Variants in FANCL observed in about 807,000 individuals in gnomAD.
FANCL encodes E3 ubiquitin-protein ligase FANCL.
Under a neutral mutation model 59.4 loss-of-function variants are expected in FANCL, and 69 were observed. That is an observed-to-expected ratio of 1.16 (90% CI 0.96 to 1.42). The LOEUF (loss-of-function observed/expected upper bound fraction) is 1.42, where lower values mean the gene tolerates loss of function less well. Ranked by LOEUF, FANCL falls within the 40% of genes most tolerant of loss-of-function variation. FANCL has a pLI of 0.00. For synonymous variants in FANCL, 180 were observed against 147.1 expected (o/e 1.22, Z -1.62); for missense variants, 519 against 447.2 (o/e 1.16, Z -1.45).
intron 7 of FANCL, among the ~76,000 whole-genome samples, chr2:58,194,630 T>C (rs1172202092): frequency 2.0e-5 from 3 of 152,044 alleles, no homozygotes; most frequent in Non-Finnish European, 4.4e-5. Context: ...GATTTCTTAC[T>C]ACTCTAAATG....
At chr2:58,190,756 A>G (rs1688849027) in intron 7 of FANCL, among the ~76,000 whole-genome samples, 1 of 151,984 alleles carries the variant, frequency 6.6e-6, no homozygotes, top group Admixed American at 6.6e-5. Flanking sequence ...TAACAGTGAC[A>G]TCATTTAATT....
intron 5 of FANCL, among the ~76,000 whole-genome samples, chr2:58,221,106 G>C (rs62140049): frequency 1.4e-4 from 21 of 151,992 alleles, no homozygotes; most frequent in African/African-American, 4.8e-4. Flanking sequence ...CCAGCTACTC[G>C]GGAGGCTGAG....
intron 7 of FANCL, among the ~76,000 whole-genome samples, chr2:58,172,876 C>G (rs978787563): frequency 6.6e-6 from 1 of 152,078 alleles, no homozygotes; most frequent in African/African-American, 2.4e-5. Context: ...GGCGAAGAAG[C>G]TGAAAACTTT....
At chr2:58,229,969 T>A (rs1279528445) in intron 2 of FANCL, 95 bp from the exon 3 acceptor site, 1 of 860,802 alleles carries the variant, frequency 1.2e-6, no homozygotes, top group African/African-American at 1.7e-5. Context: ...TACAAAAGAA[T>A]GACAAACATA....
At chr2:58,218,374 TAAA>T (rs751738439) in intron 5 of FANCL, among the ~76,000 whole-genome samples, 118 of 151,968 alleles carry the variant, frequency 7.8e-4, no homozygotes, top group Non-Finnish European at 1.5e-3. Flanking sequence ...TGAAAAAACT[TAAA>T]TAATTGATAT....
At chr2:58,205,165 A>AT (rs143739412) in intron 5 of FANCL, among the ~76,000 whole-genome samples, 8,985 of 152,058 alleles carry the variant, frequency 0.059, 423 homozygotes, top group African/African-American at 0.12. Context: ...TAGGAAATAT[A>AT]TTTTTTAATA....
chr2:58,236,543 T>G (rs1224094718), intron 1 of FANCL, among the ~76,000 whole-genome samples: 1 of 148,918 alleles, frequency 6.7e-6, no homozygotes, highest in Non-Finnish European at 1.5e-5. Context: ...ATTCCAATAA[T>G]ATAAAATACA....
intron 8 of FANCL, among the ~76,000 whole-genome samples, chr2:58,165,406 C>T (rs928957058): frequency 2.6e-5 from 4 of 152,114 alleles, no homozygotes; most frequent in African/African-American, 9.7e-5. Flanking sequence ...ATTATTCTGA[C>T]TTTTTTCTTG....
chr2:58,197,511 T>C (rs1689550307), intron 7 of FANCL, among the ~76,000 whole-genome samples: 1 of 152,154 alleles, frequency 6.6e-6, no homozygotes, highest in Non-Finnish European at 1.5e-5. Flanking sequence ...CCCTAACTAA[T>C]CACATTGTGC....
At chr2:58,221,888 A>C in intron 5 of FANCL, 54 bp downstream of exon 5, 1 of 1,258,166 alleles carries the variant, frequency 7.9e-7, no homozygotes, top group Non-Finnish European at 1.2e-6. Context: ...GAAATACATT[A>C]AGTTAAAATA....
At chr2:58,216,903 T>C (rs1691776956) in intron 5 of FANCL, among the ~76,000 whole-genome samples, 1 of 151,720 alleles carries the variant, frequency 6.6e-6, no homozygotes, top group Non-Finnish European at 1.5e-5. Flanking sequence ...CCTTCATGAT[T>C]CCTGACCCCC....
chr2:58,173,199 T>C (rs1178655481), intron 7 of FANCL, among the ~76,000 whole-genome samples: 1 of 152,202 alleles, frequency 6.6e-6, no homozygotes, highest in Non-Finnish European at 1.5e-5. Context: ...TGGAACCAAG[T>C]TGGAAAACAC....
chr2:58,229,266 GCTTCAGTAA>G (rs1337819983), intron 3 of FANCL, among the ~76,000 whole-genome samples: 1 of 152,034 alleles, frequency 6.6e-6, no homozygotes, highest in Non-Finnish European at 1.5e-5. Context: ...TCATTATTTT[GCTTCAGTAA>G]CTGATTTTTT....
At chr2:58,194,339 G>A (rs1286697519) in intron 7 of FANCL, 17 of 469,304 alleles carry the variant, frequency 3.6e-5, no homozygotes, top group Non-Finnish European at 5.7e-5. Flanking sequence ...TGACATTTAG[G>A]CATTCTACAG....
intron 1 of FANCL, among the ~76,000 whole-genome samples, chr2:58,237,063 A>C (rs1694089292): frequency 6.6e-6 from 1 of 152,084 alleles, no homozygotes; most frequent in African/African-American, 2.4e-5. Context: ...GCAGACAAAA[A>C]AGTCAGTGAG....
At chr2:58,241,029 C>T (rs1694487138) in intron 1 of FANCL, among the ~76,000 whole-genome samples, 189 bp downstream of exon 1, 1 of 152,110 alleles carries the variant, frequency 6.6e-6, no homozygotes, top group Non-Finnish European at 1.5e-5. Context: ...CCCCATCCAG[C>T]GCGGCGACCA....
At chr2:58,190,580 T>A (rs906509176) in intron 7 of FANCL, among the ~76,000 whole-genome samples, 1 of 151,342 alleles carries the variant, frequency 6.6e-6, no homozygotes, top group African/African-American at 2.4e-5. Context: ...GGTGCTACCA[T>A]CCATAAAGAA....
At chr2:58,213,042 C>T (rs1691336358) in intron 5 of FANCL, among the ~76,000 whole-genome samples, 1 of 152,148 alleles carries the variant, frequency 6.6e-6, no homozygotes, top group African/African-American at 2.4e-5. Context: ...TTTAAAAACA[C>T]AGCAAGGCCA....
intron 3 of FANCL, 150 bp downstream of exon 3, chr2:58,229,664 A>G (rs1693382603): frequency 3.0e-6 from 2 of 658,314 alleles, no homozygotes; most frequent in Non-Finnish European, 5.4e-6. Flanking sequence ...GGACACTGAG[A>G]TTTAAAAACA....
Sources: gnomAD v4.1 joint callset for allele counts (sites outside exome capture counted in the v4.1 genomes callset) on GRCh38, gnomAD v4.1.1 for gene constraint, MANE v1.5 for transcripts, NCBI Gene and HGNC (gene_info 2026-07-23, HGNC 2026-07-21) for gene names.